PIK3CD: variants seen among roughly 807,000 people sequenced by gnomAD.
The protein encoded by PIK3CD is phosphatidylinositol 4,5-bisphosphate 3-kinase catalytic subunit delta isoform.
In PIK3CD, 20 loss-of-function variants were observed where a neutral mutation model predicts 122.9. The observed-to-expected ratio is 0.16, with a 90% CI of 0.11 to 0.24. The LOEUF is 0.24. Ranked by LOEUF, PIK3CD falls within the 10% of genes least tolerant of loss-of-function variation. PIK3CD has a pLI of 1.00. For missense variants in PIK3CD, 787 were observed against 1,406.3 expected (o/e 0.56, Z 7.04); for synonymous variants, 596 against 593.4 (o/e 1.00, Z -0.06).
At chr1:9,657,095 T>C (rs574375518) in intron 1 of PIK3CD, among the ~76,000 whole-genome samples, 5 of 152,264 alleles carry the variant, frequency 3.3e-5, no homozygotes, top group African/African-American at 1.2e-4. Context: ...TATCTTGGCC[T>C]GTGGCTGCAT....
At chr1:9,701,161 C>T (rs567539852) in intron 2 of PIK3CD, among the ~76,000 whole-genome samples, 1 of 152,230 alleles carries the variant, frequency 6.6e-6, no homozygotes, top group African/African-American at 2.4e-5. Context: ...GAAGGCTCTG[C>T]AAGACCCAGC....
In PIK3CD at chr1:9,719,510, A is replaced by C. The variant is rs1648134701; in HGVS notation, c.1243-411A>C. 2.0e-5 allele frequency among the ~76,000 whole-genome samples: 3 copies of C among 152,100 alleles called. No individual in the cohort carries two copies. The South Asian group carries it at 6.2e-4, about 32-fold the overall frequency. On this transcript the variant is annotated intron_variant, in intron 9 of 23. Transcript: ENST00000377346. This position sits in a 1 kb window ranked among gnomAD's most constrained non-coding sequence, Gnocchi z 5.5. ...CCTGTCTCTACTGAAAATACAAAAA[A>C]ATTAGCCGGGCGTGGAGGCACATGC...
chr1:9,709,525 A>G (rs1428233570), intron 2 of PIK3CD, among the ~76,000 whole-genome samples: 1 of 151,224 alleles, frequency 6.6e-6, no homozygotes, highest in Non-Finnish European at 1.5e-5. Context: ...TGGGCAATAT[A>G]GTGAGACTGT....
At chr1:9,698,751 G>A (rs1646513432) in intron 2 of PIK3CD, among the ~76,000 whole-genome samples, 1 of 152,152 alleles carries the variant, frequency 6.6e-6, no homozygotes, top group Non-Finnish European at 1.5e-5. Context: ...ATTTTGATGT[G>A]TAGTATCTGA....
At chr1:9,628,940 C>T in the PIK3CD span, among the ~76,000 whole-genome samples, 1 of 152,120 alleles carries the variant, frequency 6.6e-6, no homozygotes, top group Non-Finnish European at 1.5e-5. Flanking sequence ...ATGGGAAGGT[C>T]CCCAGAAGCC....
At chr1:9,725,136 C>T (rs1339246764) in intron 23 of PIK3CD, among the ~76,000 whole-genome samples, 200 bp downstream of exon 23, 1 of 152,208 alleles carries the variant, frequency 6.6e-6, no homozygotes, top group Non-Finnish European at 1.5e-5. Context: ...GCCGCCCAGG[C>T]ATGGTTCCAC....
chr1:9,677,741 T>C (rs1028915256), intron 1 of PIK3CD, among the ~76,000 whole-genome samples: 1 of 152,090 alleles, frequency 6.6e-6, no homozygotes, highest in African/African-American at 2.4e-5. Flanking sequence ...TAAATATATA[T>C]GCCATATGTT....
At chr1:9,661,925 G>A (rs934289898) in intron 1 of PIK3CD, among the ~76,000 whole-genome samples, 7 of 152,058 alleles carry the variant, frequency 4.6e-5, no homozygotes, top group African/African-American at 1.4e-4. Flanking sequence ...GGACCCAGGC[G>A]GCGGAGCTTG....
At position 9,717,227 on chromosome 1, in the gene PIK3CD, G is replaced by A; in HGVS notation, c.930+119G>A. 1 of 1,314,550 alleles carries A rather than the reference G, an allele frequency of 7.6e-7. No individual in the cohort carries two copies. Among genetic ancestry groups the A allele is most frequent in the South Asian group, 1.2e-5 (1 of 82,528 alleles). The allele number at this position is 1,314,550 out of a possible 1,614,324, so 81.4% of individuals were successfully genotyped here. A position where few individuals can be genotyped will look rare whatever the true frequency, so the allele number is the denominator to read the frequency against. On this transcript the variant is annotated intron_variant, in intron 7 of 23. Transcript: ENST00000377346. This position sits in a 1 kb window ranked among gnomAD's most constrained non-coding sequence, Gnocchi z 5.4. ...TTGGTATGGAGAGCTGGGGCTTTGA[G>A]CTGGGGAAGCCAACACAGCTGACCA...
intron 1 of PIK3CD, among the ~76,000 whole-genome samples, chr1:9,667,912 T>G (rs1193728488): frequency 1.7e-4 from 24 of 144,722 alleles, no homozygotes; most frequent in African/African-American, 5.9e-4. Context: ...ATTTTTGTTT[T>G]TTTTTTTTTT....
chr1:9,722,756 C>A lies in PIK3CD; in HGVS notation c.2426+150C>A. The A allele has an allele frequency of 1.4e-6, 1 of 735,656 alleles. No individual in the cohort carries two copies. The highest frequency in any genetic ancestry group is 2.4e-6 in the Non-Finnish European group (1 of 416,840). The allele number at this position is 735,656 out of a possible 1,614,324, so 45.6% of individuals were successfully genotyped here. On this transcript the variant is annotated intron_variant, in intron 19 of 23. Coordinates refer to ENST00000377346, the MANE Select transcript of PIK3CD (RefSeq NM_005026.5). This position sits in a 1 kb window ranked among gnomAD's most constrained non-coding sequence, Gnocchi z 7.6. ...GACCCGGAGGCGGTTTAACTCTAGG[C>A]CAGGAGGCGGCGGGCAGCAGGATGC...
chr1:9,727,202 G>C lies in PIK3CD; in HGVS notation c.*156G>C. 1.1e-6 allele frequency: 1 copy of C among 872,724 alleles called. No homozygotes were observed. 54.1% of individuals were successfully genotyped at this position (872,724 alleles called of 1,614,324 possible). A position where few individuals can be genotyped will look rare whatever the true frequency, so the allele number is the denominator to read the frequency against. On this transcript the variant is annotated 3_prime_UTR_variant, in exon 24 of 24. Coordinates refer to ENST00000377346, the MANE Select transcript of PIK3CD (RefSeq NM_005026.5). ...TACACTGGTTATTTATTTATGACTT[G>C]AAATAGTTTAAGGAGCTAAACAGCC...
rs1649995781 is a variant in PIK3CD at position 9,728,254 on chromosome 1, C to A, written c.*1208C>A. 1 of 152,262 alleles carries A rather than the reference C, an allele frequency of 6.6e-6. No homozygotes were observed. Among genetic ancestry groups the A allele is most frequent in the Non-Finnish European group, 1.5e-5 (1 of 68,094 alleles). 9.4% of individuals were successfully genotyped at this position (152,262 alleles called of 1,614,324 possible). ...AACGAGGGGGCGTGCTGGGATCTTT[C>A]TCTCTGACTATACTTAGTTTGAAAT... On this transcript the variant is annotated 3_prime_UTR_variant, in exon 24 of 24. Transcript: ENST00000377346.
At position 9,710,474 on chromosome 1, in the gene PIK3CD, T is replaced by C. The variant is rs772424669; in HGVS notation, c.19T>C (p.Cys7Arg). The stretch of plus-strand genomic sequence containing the variant: ...ACGCAGGATGCCCCCTGGGGTGGAC[T>C]GCCCCATGGAATTCTGGACCAAGGA... MPPGVD[C>R]PMEFWTKEEN... Residue 7 changes from cysteine (C) to arginine (R), a missense_variant, in exon 3 of 24, where the codon TGC (cysteine) becomes CGC (arginine). Physicochemically the swap from Cys to Arg is radical, Grantham distance 180. Coordinates refer to ENST00000377346, the MANE Select transcript of PIK3CD (RefSeq NM_005026.5). The surrounding 1 kb of genome is among the most constrained non-coding windows in gnomAD (Gnocchi z 4.7). 7 of 1,614,022 alleles carry C rather than the reference T, an allele frequency of 4.3e-6. No homozygotes were observed. The East Asian group carries it at 1.6e-4, about 36-fold the overall frequency.
At chr1:9,631,315 C>T in the PIK3CD span, among the ~76,000 whole-genome samples, 11 of 152,188 alleles carry the variant, frequency 7.2e-5, no homozygotes, top group African/African-American at 1.9e-4. Flanking sequence ...CAAGTGTGAA[C>T]GCTAAGCATC....
At chr1:9,631,376 C>T in the PIK3CD span, among the ~76,000 whole-genome samples, 31 of 152,302 alleles carry the variant, frequency 2.0e-4, no homozygotes, top group African/African-American at 4.3e-4. Flanking sequence ...TCAGACTGGC[C>T]GGGTGCAGTG....
intron 2 of PIK3CD, among the ~76,000 whole-genome samples, chr1:9,709,559 G>C (rs1646969505): frequency 1.3e-5 from 2 of 152,028 alleles, no homozygotes; most frequent in African/African-American, 4.8e-5. Context: ...TAAAAAATTA[G>C]CCAGGTGTAG....
intron 3 of PIK3CD, among the ~76,000 whole-genome samples, chr1:9,713,766 T>TTTA (rs916809679): frequency 7.9e-5 from 12 of 151,128 alleles, no homozygotes; most frequent in East Asian, 3.9e-4. Flanking sequence ...AATTTTATTT[T>TTTA]TTATTATTAT....
At chr1:9,703,487 A>G (rs1458483007) in intron 2 of PIK3CD, among the ~76,000 whole-genome samples, 1 of 152,196 alleles carries the variant, frequency 6.6e-6, no homozygotes. Flanking sequence ...AGCACCCAGA[A>G]GCCTCCCATG....
Sources: allele counts gnomAD v4.1 joint callset (sites outside exome capture counted in the v4.1 genomes callset), GRCh38; gene constraint gnomAD v4.1.1; non-coding constraint Gnocchi (gnomAD v3.1); transcripts MANE v1.5; gene names NCBI Gene and HGNC (gene_info 2026-07-23, HGNC 2026-07-21).